ABR: variants seen among roughly 807,000 people sequenced by gnomAD.
The protein encoded by ABR is ABR activator of RhoGEF and GTPase, also known as active breakpoint cluster region-related protein.
ABR carries 35 observed loss-of-function variants against 107.2 expected under a neutral mutation model. The ratio of observed to expected loss-of-function variants is 0.33; its 90% CI spans 0.25 to 0.43. The LOEUF is 0.43. Ranked by LOEUF, ABR falls within the 20% of genes least tolerant of loss-of-function variation. The pLI, the probability that ABR is intolerant of heterozygous loss-of-function variation, is 1.00. For missense variants in ABR, 815 were observed against 1,115.2 expected, an observed-to-expected ratio of 0.73 and a Z score of 3.83; for synonymous variants, 498 against 462.0, an observed-to-expected ratio of 1.08 and a Z score of -1.00.
chr17:1,126,356 G>C (rs2039600412), intron 1 of ABR: 1 of 152,438 alleles, frequency 6.6e-6, no homozygotes, highest in African/African-American at 2.4e-5. Context: ...TGGCAACGGA[G>C]AACGTGGCAG....
At chr17:1,212,262 C>G (rs1313125470) in intron 1 of ABR, among the ~76,000 whole-genome samples, 1 of 151,032 alleles carries the variant, frequency 6.6e-6, no homozygotes, top group Non-Finnish European at 1.5e-5. Context: ...GACCTCATCT[C>G]TACAAAAGTT....
intron 1 of ABR, among the ~76,000 whole-genome samples, chr17:1,161,699 C>T (rs1298474852): frequency 2.6e-5 from 4 of 152,024 alleles, no homozygotes; most frequent in Middle Eastern, 3.2e-3. Flanking sequence ...GGATTACAGG[C>T]GTGTACCACC....
chr17:1,040,351 A>T (rs2030169617), intron 16 of ABR, among the ~76,000 whole-genome samples: 1 of 152,308 alleles, frequency 6.6e-6, no homozygotes, highest in South Asian at 2.1e-4. Flanking sequence ...TCTCCAGAGT[A>T]ATTGAAACCA....
chr17:1,015,828 G>T (rs2071112118), intron 16 of ABR, among the ~76,000 whole-genome samples: 1 of 152,194 alleles, frequency 6.6e-6, no homozygotes, highest in African/African-American at 2.4e-5. Flanking sequence ...AATGAGATGG[G>T]CGGAACATTT....
rs2035345381 is a variant in ABR at position 1,072,763 on chromosome 17, G to C, written c.754-9C>G. ...GTGTGCTTCAGCAGGTCCTGGGAAG[G>C]GTGAGGCGGTGAGTTGAGGGGAGCG... On this transcript the variant is annotated splice_polypyrimidine_tract_variant and intron_variant, in intron 7 of 22. Transcript: ENST00000302538. The C allele has an allele frequency of 3.1e-6, 5 of 1,611,682 alleles. No homozygotes were observed. The East Asian group carries it at 1.1e-4, about 36-fold the overall frequency.
At chr17:1,039,709 A>T (rs1230859923) in intron 16 of ABR, 2 of 152,260 alleles carry the variant, frequency 1.3e-5, no homozygotes, top group African/African-American at 2.4e-5. Context: ...CACGGTCCCT[A>T]TGTGCCTGGG....
At position 1,197,541 on chromosome 17, in the gene ABR, C is replaced by T. The variant is rs2042592252; in HGVS notation, c.838+31252G>A. Among the ~76,000 whole-genome samples the T allele has an allele frequency of 2.0e-5, 3 of 151,578 alleles. 1 individual carries two copies. Among genetic ancestry groups the T allele is most frequent in the African/African-American group, 7.3e-5 (3 of 40,898 alleles). On this transcript the variant is annotated intron_variant, in intron 1 of 22. Coordinates refer to the ABR transcript ENST00000574139. ...TTCTCGTGGCCCACAGCCTTCTAGA[C>T]ACTCATTGCCCAAACCCCTGCATGA...
At chr17:1,156,470 C>T (rs949702290) in intron 1 of ABR, among the ~76,000 whole-genome samples, 2 of 152,068 alleles carry the variant, frequency 1.3e-5, no homozygotes, top group Non-Finnish European at 1.5e-5. Flanking sequence ...GATCACCTGA[C>T]GCCAGGAGTT....
intron 1 of ABR, among the ~76,000 whole-genome samples, chr17:1,144,494 C>T (rs1368664636): frequency 6.6e-6 from 1 of 152,098 alleles, no homozygotes; most frequent in Non-Finnish European, 1.5e-5. Flanking sequence ...GACACAGCTG[C>T]CCTGCGCAGT....
chr17:1,226,004 C>T (rs9909372), intron 1 of ABR, among the ~76,000 whole-genome samples: 23,183 of 152,054 alleles, frequency 0.15, 2,731 homozygotes, highest in African/African-American at 0.32. Flanking sequence ...CCGCATAGAA[C>T]CGAAACGGAG....
Position 1,195,840 on chromosome 17 carries a change from G to A in ABR, c.838+32953C>T, listed in dbSNP as rs556657484. ...ATTATTGGCCGGCGCGGTGGCTCAC[G>A]CCTGTAATCCCAGAACTTTGGGAAG... On this transcript the variant is annotated intron_variant, in intron 1 of 22. Coordinates refer to the ABR transcript ENST00000574139. 5.6e-4 allele frequency among the ~76,000 whole-genome samples: 83 copies of A among 147,672 alleles called. 2 individuals are homozygous for A. The highest frequency in any genetic ancestry group is 2.0e-3 in the African/African-American group (80 of 39,078).
rs2035224131 is a variant in ABR at position 1,071,373 on chromosome 17, C to T, written c.894+1241G>A. On this transcript the variant is annotated intron_variant, in intron 8 of 22. Transcript: ENST00000302538. The surrounding 1 kb of genome is among the most constrained non-coding windows in gnomAD (Gnocchi z 5.1). ...AGACCCTGGGGGCTCGTAAACAGAC[C>T]ACAGGAGCAGACACCCTGTCAGCCT... Among the ~76,000 whole-genome samples the T allele has an allele frequency of 6.6e-6, 1 of 152,098 alleles. No homozygotes were observed. The highest frequency in any genetic ancestry group is 2.4e-5 in the African/African-American group (1 of 41,422).
At chr17:1,136,115 G>A (rs1460429074) in intron 1 of ABR, among the ~76,000 whole-genome samples, 2 of 152,134 alleles carry the variant, frequency 1.3e-5, no homozygotes, top group African/African-American at 2.4e-5. Flanking sequence ...TTGAAACTTC[G>A]AAGCCAGGCA....
intron 3 of ABR, among the ~76,000 whole-genome samples, chr17:1,095,109 G>A (rs930072291): frequency 7.2e-5 from 11 of 152,180 alleles, no homozygotes; most frequent in Non-Finnish European, 1.6e-4. Context: ...CCGCCTTGGC[G>A]CAGTCCCCAC....
chr17:1,215,287 G>C (rs893816981), intron 1 of ABR, among the ~76,000 whole-genome samples: 5 of 151,112 alleles, frequency 3.3e-5, no homozygotes, highest in East Asian at 1.9e-4. Flanking sequence ...CTCTGATGCC[G>C]AGCCGAAGCT....
intron 2 of ABR, among the ~76,000 whole-genome samples, chr17:1,101,768 C>G (rs1350159304): frequency 1.3e-5 from 2 of 149,932 alleles, no homozygotes; most frequent in Non-Finnish European, 3.0e-5. Flanking sequence ...GAGTCTCGCT[C>G]TGTCGCCCAG....
chr17:1,022,260 G>A, intron 16 of ABR, among the ~76,000 whole-genome samples: 1 of 152,304 alleles, frequency 6.6e-6, no homozygotes, highest in East Asian at 1.9e-4. Context: ...CCAGGCATCG[G>A]GTCTGAGGGT....
intron 1 of ABR, among the ~76,000 whole-genome samples, chr17:1,203,550 T>C (rs1031553706): frequency 6.6e-6 from 1 of 151,754 alleles, no homozygotes. Flanking sequence ...GAGGCTGCGG[T>C]AAGTCGCCCG....
intron 16 of ABR, among the ~76,000 whole-genome samples, chr17:1,019,279 A>G (rs928033755): frequency 6.6e-6 from 1 of 152,134 alleles, no homozygotes; most frequent in Non-Finnish European, 1.5e-5. Context: ...CACAGTGGGA[A>G]ACTTTGGGTC....
Sources: allele counts gnomAD v4.1 joint callset (sites outside exome capture counted in the v4.1 genomes callset), GRCh38; gene constraint gnomAD v4.1.1; non-coding constraint Gnocchi (gnomAD v3.1); transcripts MANE v1.5; gene names NCBI Gene and HGNC (gene_info 2026-07-23, HGNC 2026-07-21).